The following ZNF488 variants were observed in gnomAD, a reference collection of about 807,000 sequenced individuals.
ZNF488 encodes zinc finger protein 488.
In ZNF488, 1 loss-of-function variant was observed where a neutral mutation model predicts 1.2. That is an observed-to-expected ratio of 0.86 (90% CI 0.30 to 4.07). The LOEUF is 4.07. ZNF488 is among the 30% of genes most tolerant of loss of function. The pLI is 0.18. For missense variants in ZNF488, 450 were observed against 437.9 expected (o/e 1.03, Z -0.25); for synonymous variants, 185 against 190.1 (o/e 0.97, Z 0.22).
At chr10:47,381,112 T>C (rs1299405464) in intron 1 of ZNF488, among the ~76,000 whole-genome samples, 1 of 152,286 alleles carries the variant, frequency 6.6e-6, no homozygotes, top group East Asian at 1.9e-4. Flanking sequence ...GGCAAACATC[T>C]GGATAACCTC....
rs1432622415 is a variant in ZNF488, at chr10:47,366,645, T to C, written c.*1162A>G. The C allele has an allele frequency of 1.2e-5, 2 of 167,108 alleles. No individual in the cohort carries two copies. The highest frequency in any genetic ancestry group is 2.9e-5 in the Non-Finnish European group (2 of 68,134). The allele number at this position is 167,108 out of a possible 1,614,324, so 10.4% of individuals were successfully genotyped here. ...CTGTGGAATGTCAAAGAGTACAGCCTGGGCTCCACACATCCTTAGGAACAA... is the reference window on the plus strand; with the variant it reads ...CTGTGGAATGTCAAAGAGTACAGCCCGGGCTCCACACATCCTTAGGAACAA... On this transcript the variant is annotated 3_prime_UTR_variant, in exon 2 of 2. Coordinates refer to ENST00000585316, the MANE Select transcript of ZNF488 (RefSeq NM_153034.4).
Position 47,367,459 on chromosome 10 carries a change from C to T in ZNF488, c.*348G>A, listed in dbSNP as rs943223943. On this transcript the variant is annotated 3_prime_UTR_variant, in exon 2 of 2. Coordinates refer to ENST00000585316, the MANE Select transcript of ZNF488 (RefSeq NM_153034.4). ...AAAATGGGGACTCAGCAGGTTAAAG[C>T]TCTTTGTCCAGGGTCACAGCTAGTA... 5.6e-5 allele frequency: 16 copies of T among 287,806 alleles called. No individual in the cohort carries two copies. The highest frequency in any genetic ancestry group is 2.4e-4 in the African/African-American group (11 of 45,180). 17.8% of individuals were successfully genotyped at this position (287,806 alleles called of 1,614,324 possible).
At chr10:47,378,062 C>T (rs1837760013) in intron 1 of ZNF488, among the ~76,000 whole-genome samples, 2 of 152,162 alleles carry the variant, frequency 1.3e-5, no homozygotes, top group South Asian at 4.1e-4. Flanking sequence ...GCTGCCACCC[C>T]ACCACCTGGC....
At chr10:47,369,386 C>T (rs1191990371) in intron 1 of ZNF488, among the ~76,000 whole-genome samples, 10 of 152,302 alleles carry the variant, frequency 6.6e-5, no homozygotes, top group African/African-American at 2.4e-4. Context: ...CCCTCAGCCC[C>T]TGCTCCATGC....
intron 1 of ZNF488, among the ~76,000 whole-genome samples, chr10:47,377,656 A>C (rs1377741692): frequency 7.8e-6 from 1 of 128,814 alleles, no homozygotes; most frequent in Non-Finnish European, 1.6e-5. Flanking sequence ...CACCCAGAGG[A>C]GCCAGCAATA....
Position 47,367,534 on chromosome 10 carries a change from T to C in ZNF488, c.*273A>G. On this transcript the variant is annotated 3_prime_UTR_variant, in exon 2 of 2. Coordinates refer to ENST00000585316, the MANE Select transcript of ZNF488 (RefSeq NM_153034.4). Reference sequence around the variant, plus strand: ...CAGGCTTGTGTGCCTCCAAAGCCCATGATGTGTGCCAGGAGTTGCCCCTGC... The same window carrying C: ...CAGGCTTGTGTGCCTCCAAAGCCCACGATGTGTGCCAGGAGTTGCCCCTGC... 2.0e-6 allele frequency: 1 copy of C among 494,842 alleles called. No homozygotes were observed. The highest frequency in any genetic ancestry group is 3.7e-6 in the Non-Finnish European group (1 of 272,868). The allele number at this position is 494,842 out of a possible 1,614,324, so 30.7% of individuals were successfully genotyped here. A position where few individuals can be genotyped will look rare whatever the true frequency, so the allele number is the denominator to read the frequency against.
rs1234916778 is a variant in ZNF488, at chr10:47,366,524, A to C, written c.*1283T>G. ...GACTCATTGGAGGGCTGGAAACTGC[A>C]TATCAAAAGAACAATATCTGACAGT... is the stretch of plus-strand genomic sequence containing the variant. On this transcript the variant is annotated 3_prime_UTR_variant, in exon 2 of 2. Coordinates refer to ENST00000585316, the MANE Select transcript of ZNF488 (RefSeq NM_153034.4). 6.0e-6 allele frequency: 1 copy of C among 167,112 alleles called. No individual in the cohort carries two copies. The highest frequency in any genetic ancestry group is 2.4e-5 in the African/African-American group (1 of 41,446). 10.4% of individuals were successfully genotyped at this position (167,112 alleles called of 1,614,324 possible). A position where few individuals can be genotyped will look rare whatever the true frequency, so the allele number is the denominator to read the frequency against.
In ZNF488 at chr10:47,368,086, C is replaced by T. The variant is rs781989880; in HGVS notation, c.744G>A (p.Val248=). 6.2e-7 allele frequency: 1 copy of T among 1,614,184 alleles called. No individual in the cohort carries two copies. The highest frequency in any genetic ancestry group is 1.1e-5 in the South Asian group (1 of 91,088). The change falls in exon 2 of 2, where the codon GTG becomes GTA. Residue 248 remains valine, a synonymous_variant. Coordinates refer to ENST00000585316, the MANE Select transcript of ZNF488 (RefSeq NM_153034.4). The stretch of plus-strand genomic sequence containing the variant: ...TGGTGGAGGATGATGAGGGTGGGGG[C>T]ACCTGGGCCTGGGTATGCTCCAGCC... ...TLWLEHTQAQ[V]PPPSSSSTTS...
chr10:47,377,353 C>A (rs1837715801), intron 1 of ZNF488, among the ~76,000 whole-genome samples: 1 of 152,118 alleles, frequency 6.6e-6, no homozygotes, highest in Non-Finnish European at 1.5e-5. Context: ...GCTTATTTCT[C>A]CAGTTCTTCC....
chr10:47,375,731 T>C (rs956360099), intron 1 of ZNF488, among the ~76,000 whole-genome samples: 1 of 152,200 alleles, frequency 6.6e-6, no homozygotes, highest in Non-Finnish European at 1.5e-5. Context: ...AATGAAAATA[T>C]CACCCAAAAT....
intron 1 of ZNF488, among the ~76,000 whole-genome samples, chr10:47,369,654 C>G (rs1313234878): frequency 1.3e-5 from 2 of 152,188 alleles, no homozygotes. Flanking sequence ...TTGTGAGAGT[C>G]AAGTGTCCCC....
At chr10:47,373,146 T>G (rs1457764755) in intron 1 of ZNF488, among the ~76,000 whole-genome samples, 4 of 152,204 alleles carry the variant, frequency 2.6e-5, no homozygotes, top group African/African-American at 4.8e-5. Context: ...AAGGCTCTAG[T>G]GCTTGGCAAG....
At chr10:47,380,574 CCA>C (rs1837898606) in intron 1 of ZNF488, among the ~76,000 whole-genome samples, 1 of 152,286 alleles carries the variant, frequency 6.6e-6, no homozygotes, top group Non-Finnish European at 1.5e-5. Flanking sequence ...CTCGCCCACC[CCA>C]CAGTGTTAAG....
In ZNF488 at chr10:47,367,705, G is replaced by T; in HGVS notation, c.*102C>A. On this transcript the variant is annotated 3_prime_UTR_variant, in exon 2 of 2. Transcript: ENST00000585316. ...TTATCTATGAATGCCAAAAGCAGCAGCTCTGCAAAGGACCATGACAGCCCC... is the reference window on the plus strand; with the variant it reads ...TTATCTATGAATGCCAAAAGCAGCATCTCTGCAAAGGACCATGACAGCCCC... The T allele has an allele frequency of 7.5e-7, 1 of 1,334,818 alleles. No individual in the cohort carries two copies. Among genetic ancestry groups the T allele is most frequent in the Non-Finnish European group, 1.0e-6 (1 of 972,308 alleles). The allele number at this position is 1,334,818 out of a possible 1,614,324, so 82.7% of individuals were successfully genotyped here. A position where few individuals can be genotyped will look rare whatever the true frequency, so the allele number is the denominator to read the frequency against.
At position 47,380,190 on chromosome 10, in the gene ZNF488, T is replaced by C. The variant is rs1355352850; in HGVS notation, c.-109+4030A>G. Among the ~76,000 whole-genome samples, 3 of 152,282 alleles carry C rather than the reference T, an allele frequency of 2.0e-5. No individual in the cohort carries two copies. In the East Asian group the frequency reaches 5.8e-4, roughly 29 times the overall value. ...TTTACTGGCCCTCGTCACTCTGTCA[T>C]TGTGAGTGTCCTGGGAAGGGCTCCT... On this transcript the variant is annotated intron_variant, in intron 1 of 1. Coordinates refer to ENST00000585316, the MANE Select transcript of ZNF488 (RefSeq NM_153034.4).
rs1364877852 is a variant in ZNF488, at chr10:47,383,076, T to C, written c.-109+1144A>G. 2.0e-5 allele frequency among the ~76,000 whole-genome samples: 3 copies of C among 152,334 alleles called. No individual in the cohort carries two copies. In the South Asian group the frequency reaches 6.2e-4, roughly 32 times the overall value. On this transcript the variant is annotated intron_variant, in intron 1 of 1. Transcript: ENST00000585316. ...CAAGAAACAAAAAATTGCCTCGATA[T>C]AGTTCTATTTTATCCCTCAAAAAGA... is the stretch of plus-strand genomic sequence containing the variant.
intron 1 of ZNF488, among the ~76,000 whole-genome samples, chr10:47,383,775 A>C (rs1384654081): frequency 6.6e-6 from 1 of 152,208 alleles, no homozygotes; most frequent in Non-Finnish European, 1.5e-5. Context: ...TAACAGCAAC[A>C]CAGGATAAAC....
intron 1 of ZNF488, among the ~76,000 whole-genome samples, chr10:47,370,204 C>T (rs1837411691): frequency 6.6e-6 from 1 of 152,250 alleles, no homozygotes; most frequent in African/African-American, 2.4e-5. Context: ...CCCTGTGCTC[C>T]TTGCTGGGCA....
chr10:47,370,062 C>G (rs1202870941), intron 1 of ZNF488, among the ~76,000 whole-genome samples: 1 of 152,130 alleles, frequency 6.6e-6, no homozygotes, highest in Non-Finnish European at 1.5e-5. Context: ...GTGTGGAGAC[C>G]TGCTCCTGCA....
Sources: gnomAD v4.1 joint callset for allele counts (sites outside exome capture counted in the v4.1 genomes callset) on GRCh38, gnomAD v4.1.1 for gene constraint, MANE v1.5 for transcripts, NCBI Gene and HGNC (gene_info 2026-07-23, HGNC 2026-07-21) for gene names.